AGBL3: variants seen among roughly 807,000 people sequenced by gnomAD.
AGBL3 encodes the protein cytosolic carboxypeptidase 3.
In AGBL3, 68 loss-of-function variants were observed where a neutral mutation model predicts 94.5. The observed-to-expected ratio is 0.72, with a 90% CI of 0.59 to 0.88. The LOEUF is 0.88. AGBL3 is among the 40% of genes least tolerant of loss of function. The pLI, the probability that AGBL3 is intolerant of heterozygous loss-of-function variation, is 0.00. For synonymous variants in AGBL3, 354 were observed against 370.7 expected (o/e 0.95, Z 0.52); for missense variants, 934 against 1,103.8 (o/e 0.85, Z 2.18).
intron 15 of AGBL3, among the ~76,000 whole-genome samples, chr7:135,096,120 C>A (rs1157325660): frequency 2.7e-5 from 4 of 150,352 alleles, no homozygotes; most frequent in Non-Finnish European, 5.9e-5. Flanking sequence ...CCACTGCACT[C>A]CAGGCTGGGT....
At position 135,109,768 on chromosome 7, in the gene AGBL3, C is replaced by T. The variant is rs1825343658; in HGVS notation, c.2111-5612C>T. 2.0e-5 allele frequency among the ~76,000 whole-genome samples: 3 copies of T among 152,210 alleles called. No homozygotes were observed. The South Asian group carries it at 6.2e-4, about 31-fold the overall frequency. ...GCAGTCTGACCACTTTTATGGAGAG[C>T]TGCTGTGCTGCGCCAGGGGACCACT... On this transcript the variant is annotated intron_variant, in intron 15 of 16. Coordinates refer to ENST00000436302, the MANE Select transcript of AGBL3 (RefSeq NM_178563.4).
chr7:135,015,903 C>T (rs1379405134), intron 4 of AGBL3, among the ~76,000 whole-genome samples: 2 of 148,420 alleles, frequency 1.3e-5, no homozygotes, highest in African/African-American at 2.5e-5. Flanking sequence ...TGGTGGCAGG[C>T]GTCTGTAGTC....
chr7:135,073,454 G>A (rs1415538022), intron 12 of AGBL3, among the ~76,000 whole-genome samples: 1 of 151,246 alleles, frequency 6.6e-6, no homozygotes, highest in South Asian at 2.1e-4. Context: ...CCACGTGACA[G>A]TGCAAGACTC....
chr7:135,076,089 T>C (rs1002075352), intron 12 of AGBL3, among the ~76,000 whole-genome samples: 1 of 152,214 alleles, frequency 6.6e-6, no homozygotes, highest in African/African-American at 2.4e-5. Context: ...TTAAATTGCA[T>C]TCACTGGCAT....
intron 8 of AGBL3, 143 bp downstream of exon 8, chr7:135,037,723 G>A (rs1816453104): frequency 4.5e-6 from 3 of 660,990 alleles, no homozygotes; most frequent in Non-Finnish European, 6.8e-6. Flanking sequence ...CAATAAGAAA[G>A]CAACTATATA....
At chr7:135,089,925 C>G (rs1007330200) in intron 15 of AGBL3, among the ~76,000 whole-genome samples, 1 of 152,140 alleles carries the variant, frequency 6.6e-6, no homozygotes, top group African/African-American at 2.4e-5. Context: ...CATGTTCACT[C>G]TCTATGGCAG....
At chr7:135,131,559 G>A (rs1828780100) in intron 16 of AGBL3, among the ~76,000 whole-genome samples, 1 of 151,896 alleles carries the variant, frequency 6.6e-6, no homozygotes, top group African/African-American at 2.4e-5. Context: ...AAGCAGTACT[G>A]ATACAGAAAT....
Position 135,010,262 on chromosome 7 carries a change from G to A in AGBL3, c.311-6790G>A, listed in dbSNP as rs561115913. The stretch of plus-strand genomic sequence containing the variant: ...AGGATGGTCTCCGTCTCTTGACCTC[G>A]TGATCCGCCTGCCTCAGCTTCCCAA... On this transcript the variant is annotated intron_variant, in intron 4 of 16. Transcript: ENST00000436302. The A allele has an allele frequency of 2.7e-4, 71 of 258,514 alleles. 1 individual carries two copies. Among genetic ancestry groups the A allele is most frequent in the South Asian group, 7.3e-4 (20 of 27,552 alleles). 16.0% of individuals were successfully genotyped at this position (258,514 alleles called of 1,614,324 possible).
chr7:135,130,897 G>A (rs878975693), intron 16 of AGBL3, among the ~76,000 whole-genome samples: 12 of 152,016 alleles, frequency 7.9e-5, no homozygotes, highest in East Asian at 1.9e-4. Context: ...TTTCGTTATC[G>A]TTGGTGGGTG....
intron 12 of AGBL3, among the ~76,000 whole-genome samples, chr7:135,062,277 T>A (rs1182976595): frequency 6.6e-6 from 1 of 152,090 alleles, no homozygotes; most frequent in Non-Finnish European, 1.5e-5. Flanking sequence ...ACTGAATTTT[T>A]AAATTCTGTT....
chr7:135,128,952 G>T, intron 16 of AGBL3: 1 of 1,573,628 alleles, frequency 6.4e-7, no homozygotes. Context: ...TAAGAAGCTG[G>T]GTAGTGAATG....
At chr7:135,076,652 A>G (rs952680498) in intron 13 of AGBL3, among the ~76,000 whole-genome samples, 184 bp downstream of exon 13, 1 of 152,234 alleles carries the variant, frequency 6.6e-6, no homozygotes, top group Non-Finnish European at 1.5e-5. Flanking sequence ...GGCCTTATTA[A>G]GATGCCATAT....
chr7:135,128,952 G>C (rs530651329), intron 16 of AGBL3: 4 of 1,573,628 alleles, frequency 2.5e-6, no homozygotes, highest in Non-Finnish European at 3.5e-6. Context: ...TAAGAAGCTG[G>C]GTAGTGAATG....
chr7:135,062,462 A>G (rs1437860418), intron 12 of AGBL3, among the ~76,000 whole-genome samples: 1 of 152,106 alleles, frequency 6.6e-6, no homozygotes, highest in Non-Finnish European at 1.5e-5. Flanking sequence ...AAAGCTTTCA[A>G]GTTTTCACCA....
At chr7:134,998,342 G>A (rs538108850) in intron 4 of AGBL3, among the ~76,000 whole-genome samples, 13 of 151,858 alleles carry the variant, frequency 8.6e-5, no homozygotes, top group African/African-American at 2.9e-4. Context: ...TACCTTTTTG[G>A]GCATCTAGGA....
intron 3 of AGBL3, among the ~76,000 whole-genome samples, chr7:134,991,632 CTT>C (rs569208123): frequency 8.4e-4 from 128 of 152,140 alleles, no homozygotes; most frequent in African/African-American, 2.8e-3. Context: ...CAGAGGCTGT[CTT>C]ATCAATGTTT....
chr7:135,008,014 T>C (rs917407491), intron 4 of AGBL3, among the ~76,000 whole-genome samples: 35 of 152,126 alleles, frequency 2.3e-4, no homozygotes, highest in African/African-American at 8.2e-4. Context: ...AGACATCCCA[T>C]GTTTATGGAT....
At chr7:135,045,617 C>CTGATAGGCTGG in intron 10 of AGBL3, 43 bp downstream of exon 10, 1 of 1,493,882 alleles carries the variant, frequency 6.7e-7, no homozygotes, top group Non-Finnish European at 9.1e-7. Flanking sequence ...TCCAGCCTAT[C>CTGATAGGCTGG]AGATAACATA....
At chr7:135,047,036 T>C (rs780172582) in intron 11 of AGBL3, among the ~76,000 whole-genome samples, 1 of 152,072 alleles carries the variant, frequency 6.6e-6, no homozygotes, top group African/African-American at 2.4e-5. Context: ...CTCTAGAGTT[T>C]ATGCATCTTG....
Sources: gnomAD v4.1 joint callset for allele counts (sites outside exome capture counted in the v4.1 genomes callset) on GRCh38, gnomAD v4.1.1 for gene constraint, MANE v1.5 for transcripts, NCBI Gene and HGNC (gene_info 2026-07-23, HGNC 2026-07-21) for gene names.